The following DCC variants were observed in gnomAD, a reference collection of about 807,000 sequenced individuals.
DCC encodes DCC netrin 1 receptor.
DCC carries 58 observed loss-of-function variants against 172.5 expected under a neutral mutation model. That is an observed-to-expected ratio of 0.34 (90% CI 0.27 to 0.42). DCC has a LOEUF of 0.42. DCC is among the 10% of genes least tolerant of loss of function. The pLI is 1.00. For missense variants in DCC, 1,740 were observed against 1,791.0 expected (o/e 0.97, Z 0.51); for synonymous variants, 709 against 644.5 (o/e 1.10, Z -1.52).
At chr18:53,230,254 T>G (rs2056101588) in intron 12 of DCC, among the ~76,000 whole-genome samples, 1 of 152,130 alleles carries the variant, frequency 6.6e-6, no homozygotes, top group Non-Finnish European at 1.5e-5. Context: ...TATGCTTTTA[T>G]CTGTAACACT....
intron 7 of DCC, among the ~76,000 whole-genome samples, chr18:53,120,969 C>G (rs1309257992): frequency 6.6e-6 from 1 of 151,746 alleles, no homozygotes; most frequent in Non-Finnish European, 1.5e-5. Context: ...AATTATTACC[C>G]TGATGTATTC....
chr18:52,388,377 C>G (rs1263826705), intron 1 of DCC, among the ~76,000 whole-genome samples: 2 of 151,620 alleles, frequency 1.3e-5, no homozygotes, highest in Non-Finnish European at 2.9e-5. Flanking sequence ...GCTGTTGACA[C>G]ACAGCTCTCC....
Position 52,999,042 on chromosome 18 carries a change from T to G in DCC, c.986-64263T>G, listed in dbSNP as rs1334408028. 2.6e-5 allele frequency among the ~76,000 whole-genome samples: 4 copies of G among 152,128 alleles called. No individual in the cohort carries two copies. In the East Asian group the frequency reaches 7.7e-4, roughly 29 times the overall value. ...TCCAATAACTGAACTCAGCTGTATT[T>G]GGGGCTATGGACACAGTGAGTATTC... On this transcript the variant is annotated intron_variant, in intron 5 of 28. Transcript: ENST00000442544.
chr18:52,513,524 A>ATAAG (rs1201963458), intron 1 of DCC, among the ~76,000 whole-genome samples: 1 of 152,192 alleles, frequency 6.6e-6, no homozygotes, highest in Non-Finnish European at 1.5e-5. Flanking sequence ...AAACAAACCT[A>ATAAG]TAAGTATTTG....
chr18:53,033,684 A>G (rs1001565302), intron 5 of DCC, among the ~76,000 whole-genome samples: 10 of 152,066 alleles, frequency 6.6e-5, no homozygotes, highest in African/African-American at 2.4e-4. Flanking sequence ...ATTCTCAACC[A>G]CATACAAATA....
intron 22 of DCC, among the ~76,000 whole-genome samples, chr18:53,448,799 G>A (rs941641488): frequency 6.6e-6 from 1 of 152,150 alleles, no homozygotes; most frequent in African/African-American, 2.4e-5. Flanking sequence ...GTTGTCGTGA[G>A]CCGAGATCAT....
chr18:52,775,677 A>AGTGCTCCCTC (rs2037417741), intron 2 of DCC, among the ~76,000 whole-genome samples: 1 of 152,136 alleles, frequency 6.6e-6, no homozygotes, highest in South Asian at 2.1e-4. Context: ...CTTCTGCCAG[A>AGTGCTCCCTC]GTGCTCCCTC....
At chr18:53,210,634 ATTAAT>A (rs1243438160) in intron 11 of DCC, among the ~76,000 whole-genome samples, 11 of 152,164 alleles carry the variant, frequency 7.2e-5, no homozygotes, top group South Asian at 4.1e-4. Context: ...AATTTGATAT[ATTAAT>A]TTAATATATG....
intron 10 of DCC, among the ~76,000 whole-genome samples, chr18:53,206,818 G>C (rs2055657252): frequency 6.6e-6 from 1 of 151,410 alleles, no homozygotes; most frequent in South Asian, 2.1e-4. Flanking sequence ...TGTGAAGCTT[G>C]TCAAGCATAG....
intron 1 of DCC, among the ~76,000 whole-genome samples, chr18:52,563,727 T>TC (rs1232094441): frequency 6.6e-6 from 1 of 152,190 alleles, no homozygotes. Context: ...TCCCTGGAAC[T>TC]ATATAGAACC....
At chr18:53,027,208 T>C (rs572543890) in intron 5 of DCC, among the ~76,000 whole-genome samples, 104 of 152,222 alleles carry the variant, frequency 6.8e-4, no homozygotes, top group African/African-American at 2.3e-3. Context: ...GCAATGCTGC[T>C]ACTTTCCTTG....
At chr18:52,802,155 C>A (rs543249111) in intron 2 of DCC, among the ~76,000 whole-genome samples, 3 of 152,104 alleles carry the variant, frequency 2.0e-5, no homozygotes, top group Admixed American at 1.3e-4. Flanking sequence ...TGTCAAATTG[C>A]TTCTGAATCA....
chr18:52,677,743 C>A (rs1304389993), intron 1 of DCC, among the ~76,000 whole-genome samples: 1 of 152,090 alleles, frequency 6.6e-6, no homozygotes, highest in East Asian at 1.9e-4. Context: ...AAAAAAATTT[C>A]TTTCTGAAGA....
chr18:52,958,851 A>G (rs2040792446), intron 5 of DCC, among the ~76,000 whole-genome samples: 1 of 152,146 alleles, frequency 6.6e-6, no homozygotes, highest in African/African-American at 2.4e-5. Context: ...AAAGTGGTTG[A>G]AGCTAGAAGT....
At position 53,511,988 on chromosome 18, in the gene DCC, T is replaced by G. The variant is rs1301217776; in HGVS notation, c.4111+12478T>G. On this transcript the variant is annotated intron_variant, in intron 27 of 28. Transcript: ENST00000442544. Reference sequence around the variant, plus strand: ...CACAGCTCAAGGAAGCCTGCCTGCCTCTGTAGGCTCCACCTCTGGGGGCAG... The same window carrying G: ...CACAGCTCAAGGAAGCCTGCCTGCCGCTGTAGGCTCCACCTCTGGGGGCAG... Among the ~76,000 whole-genome samples the G allele has an allele frequency of 3.9e-5, 6 of 152,166 alleles. 1 individual carries two copies. The South Asian group carries it at 1.2e-3, about 31-fold the overall frequency.
chr18:53,155,124 CCT>C (rs1191471770), intron 7 of DCC, among the ~76,000 whole-genome samples: 1 of 150,680 alleles, frequency 6.6e-6, no homozygotes, highest in East Asian at 1.9e-4. Context: ...TTCTTTAAAA[CCT>C]CTATTTCTCT....
chr18:52,820,361 C>T (rs1300005876), intron 2 of DCC, among the ~76,000 whole-genome samples: 1 of 152,154 alleles, frequency 6.6e-6, no homozygotes, highest in Non-Finnish European at 1.5e-5. Context: ...TTTATAAAAG[C>T]ACCCCCAAAC....
intron 2 of DCC, among the ~76,000 whole-genome samples, chr18:52,836,996 A>G (rs969296350): frequency 6.6e-6 from 1 of 152,170 alleles, no homozygotes; most frequent in African/African-American, 2.4e-5. Context: ...CTATGCACCC[A>G]CTGGCTCAAC....
At chr18:52,876,932 C>A (rs114777473) in intron 2 of DCC, among the ~76,000 whole-genome samples, 2,298 of 152,138 alleles carry the variant, frequency 0.015, 43 homozygotes, top group African/African-American at 0.038. Context: ...CTAGATTTAC[C>A]AAATAAAAAT....
Sources: gnomAD v4.1 joint callset for allele counts (sites outside exome capture counted in the v4.1 genomes callset) on GRCh38, gnomAD v4.1.1 for gene constraint, MANE v1.5 for transcripts, NCBI Gene and HGNC (gene_info 2026-07-23, HGNC 2026-07-21) for gene names.